Variants in CENPP observed in about 807,000 individuals in gnomAD.
CENPP encodes centromere protein P.
CENPP carries 24 observed loss-of-function variants against 35.6 expected under a neutral mutation model. The ratio of observed to expected loss-of-function variants is 0.67; its 90% confidence interval spans 0.49 to 0.95. CENPP has a LOEUF of 0.95. CENPP is among the 40% of genes least tolerant of loss of function. The probability of loss-of-function intolerance (pLI) is 0.00; values close to 1 mark genes in which losing one functional copy is unlikely to be tolerated. For missense variants in CENPP, 332 were observed against 345.3 expected, an observed-to-expected ratio of 0.96 and a Z score of 0.31; for synonymous variants, 120 against 125.5, an observed-to-expected ratio of 0.96 and a Z score of 0.29.
At chr9:92,457,165 T>C in intron 5 of CENPP, 6 of 1,432,160 alleles carry the variant, frequency 4.2e-6, no homozygotes, top group Non-Finnish European at 5.5e-6. Flanking sequence ...GTCAGTGGAC[T>C]TACCACTTGA....
intron 5 of CENPP, among the ~76,000 whole-genome samples, chr9:92,608,644 A>G (rs181963059): frequency 6.6e-6 from 1 of 152,322 alleles, no homozygotes; most frequent in East Asian, 1.9e-4. Flanking sequence ...ATTTCAAGTT[A>G]TCAGTGACCG....
At chr9:92,502,480 T>C (rs922258299) in intron 5 of CENPP, 1 of 1,605,290 alleles carries the variant, frequency 6.2e-7, no homozygotes, top group African/African-American at 1.3e-5. Context: ...GAAGAAATAG[T>C]TCAATAAAAT....
intron 4 of CENPP, among the ~76,000 whole-genome samples, chr9:92,360,392 C>G (rs1190198049): frequency 6.6e-6 from 1 of 152,104 alleles, no homozygotes; most frequent in Non-Finnish European, 1.5e-5. Flanking sequence ...AAGGAAGACC[C>G]TATCTCTACA....
intron 5 of CENPP, among the ~76,000 whole-genome samples, chr9:92,448,190 A>C (rs1844600899): frequency 6.6e-6 from 1 of 152,180 alleles, no homozygotes; most frequent in African/African-American, 2.4e-5. Context: ...AAAGAGTTTA[A>C]TAGACACAAG....
chr9:92,525,038 A>G, intron 5 of CENPP, among the ~76,000 whole-genome samples: 1 of 152,232 alleles, frequency 6.6e-6, no homozygotes, highest in Non-Finnish European at 1.5e-5. Context: ...GAGGCCAGGC[A>G]CTGTGGCTCA....
intron 5 of CENPP, among the ~76,000 whole-genome samples, chr9:92,453,085 A>G (rs951618639): frequency 1.7e-4 from 25 of 148,994 alleles, no homozygotes; most frequent in South Asian, 4.3e-4. Context: ...AGGGTTTTTT[A>G]TGTCTCTATT....
intron 5 of CENPP, among the ~76,000 whole-genome samples, chr9:92,587,456 C>T (rs1850567253): frequency 6.6e-6 from 1 of 150,712 alleles, no homozygotes; most frequent in Non-Finnish European, 1.5e-5. Flanking sequence ...GCAACAAGAG[C>T]GAAATTGCCA....
intron 4 of CENPP, among the ~76,000 whole-genome samples, chr9:92,348,430 T>C (rs1841358189): frequency 6.6e-6 from 1 of 151,916 alleles, no homozygotes; most frequent in Non-Finnish European, 1.5e-5. Context: ...TTCGCTCTTT[T>C]TGCCCAGGCT....
intron 5 of CENPP, among the ~76,000 whole-genome samples, chr9:92,506,099 G>A (rs966153456): frequency 2.6e-5 from 4 of 152,224 alleles, no homozygotes; most frequent in Non-Finnish European, 5.9e-5. Context: ...TGGAAACATT[G>A]CAAAGACATA....
At chr9:92,551,942 T>TATGATATATATATATG (rs1563999976) in intron 5 of CENPP, among the ~76,000 whole-genome samples, 1 of 79,520 alleles carries the variant, frequency 1.3e-5, no homozygotes, top group South Asian at 2.8e-4. Context: ...TATATATATA[T>TATGATATATATATATG]ATATATATAT....
At chr9:92,580,197 G>T (rs1051655496) in intron 5 of CENPP, among the ~76,000 whole-genome samples, 1 of 151,990 alleles carries the variant, frequency 6.6e-6, no homozygotes, top group African/African-American at 2.4e-5. Flanking sequence ...TGCTGGATTC[G>T]GTTTGCCAGT....
chr9:92,529,926 A>G lies in CENPP; in HGVS notation c.565-81388A>G, dbSNP rs114224943. 8.2e-3 allele frequency among the ~76,000 whole-genome samples: 1,245 copies of G among 152,304 alleles called. 31 individuals are homozygous for G. Among genetic ancestry groups the G allele is most frequent in the African/African-American group, 0.029 (1,186 of 41,566 alleles). Reference sequence around the variant, plus strand: ...TCAACCAACCATGAGCGAAAAATGTAGTTTGGCCTATGTAGCTTTTGTGCT... The same window carrying G: ...TCAACCAACCATGAGCGAAAAATGTGGTTTGGCCTATGTAGCTTTTGTGCT... On this transcript the variant is annotated intron_variant, in intron 5 of 7. Coordinates refer to ENST00000375587, the MANE Select transcript of CENPP (RefSeq NM_001012267.3).
At chr9:92,490,924 T>G (rs1275529572) in intron 5 of CENPP, among the ~76,000 whole-genome samples, 1 of 152,236 alleles carries the variant, frequency 6.6e-6, no homozygotes, top group Non-Finnish European at 1.5e-5. Context: ...TCCTTTCTTT[T>G]TTATTTAGGA....
chr9:92,600,363 G>GT (rs1010907764), intron 5 of CENPP: 49 of 1,558,550 alleles, frequency 3.1e-5, no homozygotes, highest in Non-Finnish European at 4.2e-5. Flanking sequence ...TTTTAAAAAT[G>GT]CCATTGGGAT....
chr9:92,354,689 TAAAA>T (rs1225989861), intron 4 of CENPP, among the ~76,000 whole-genome samples: 8 of 152,138 alleles, frequency 5.3e-5, no homozygotes, highest in Non-Finnish European at 7.4e-5. Context: ...CACTTTAACT[TAAAA>T]AAAGTTTAAA....
At chr9:92,549,813 C>A (rs927166335) in intron 5 of CENPP, among the ~76,000 whole-genome samples, 13 of 152,248 alleles carry the variant, frequency 8.5e-5, no homozygotes, top group Non-Finnish European at 1.6e-4. Flanking sequence ...CATAGATGTA[C>A]GTTCTGTCTC....
At chr9:92,368,161 T>A (rs1841932957) in intron 4 of CENPP, among the ~76,000 whole-genome samples, 1 of 152,244 alleles carries the variant, frequency 6.6e-6, no homozygotes, top group Non-Finnish European at 1.5e-5. Flanking sequence ...GATGATGCTA[T>A]ATAGCCATAG....
chr9:92,548,223 C>G (rs1189321069), intron 5 of CENPP, among the ~76,000 whole-genome samples: 1 of 117,314 alleles, frequency 8.5e-6, no homozygotes, highest in African/African-American at 4.8e-5. Flanking sequence ...TTTGTGGGGT[C>G]TTTCACTGCT....
intron 5 of CENPP, among the ~76,000 whole-genome samples, chr9:92,386,636 A>T (rs1372436509): frequency 1.3e-5 from 2 of 152,102 alleles, no homozygotes; most frequent in African/African-American, 2.4e-5. Context: ...GTGAGTCCCT[A>T]TGTGGGATTG....
Sources: gnomAD v4.1 joint callset for allele counts (sites outside exome capture counted in the v4.1 genomes callset) on GRCh38, gnomAD v4.1.1 for gene constraint, MANE v1.5 for transcripts, NCBI Gene and HGNC (gene_info 2026-07-23, HGNC 2026-07-21) for gene names.